The following NDUFA5 variants were observed in gnomAD, a reference collection of about 807,000 sequenced individuals.
The protein encoded by NDUFA5 is NADH dehydrogenase [ubiquinone] 1 alpha subcomplex subunit 5.
In NDUFA5, 11 loss-of-function variants were observed where a neutral mutation model predicts 19.8. The ratio of observed to expected loss-of-function variants is 0.56; its 90% CI spans 0.35 to 0.92. The LOEUF is 0.92. NDUFA5 is among the 40% of genes least tolerant of loss of function. The pLI, the probability that NDUFA5 is intolerant of heterozygous loss-of-function variation, is 0.01. For missense variants in NDUFA5, 109 were observed against 134.2 expected, an observed-to-expected ratio of 0.81 and a Z score of 0.93; for synonymous variants, 47 against 46.8, an observed-to-expected ratio of 1.00 and a Z score of -0.01.
the NDUFA5 span, among the ~76,000 whole-genome samples, chr7:123,594,452 G>A: frequency 3.3e-5 from 5 of 152,094 alleles, no homozygotes; most frequent in South Asian, 4.1e-4. Context: ...GGTGACCTAC[G>A]TATGGGGTTT....
rs1416974205 is a variant in NDUFA5, at chr7:123,542,212, A to G, written c.258T>C (p.His86=). The G allele has an allele frequency of 6.2e-7, 1 of 1,609,556 alleles. No individual in the cohort carries two copies. The highest frequency in any genetic ancestry group is 8.5e-7 in the Non-Finnish European group (1 of 1,178,132). Residue 86 remains histidine (H), a synonymous_variant, in exon 5 of 5, where the codon CAT becomes CAC. Coordinates refer to ENST00000355749, the MANE Select transcript of NDUFA5 (RefSeq NM_005000.5). ...QLEEVILQAE[H]ELNLARKMRE... is the part of the protein sequence containing the mutation. The stretch of plus-strand genomic sequence containing the variant: ...TCATTTTTCTTGCCAGATTTAGTTC[A>G]TGTTCAGCCTGTTAATACAAATTTT...
intron 2 of NDUFA5, chr7:123,554,825 G>C (rs1333419221): frequency 6.6e-6 from 1 of 152,066 alleles, no homozygotes; most frequent in African/African-American, 2.4e-5. Context: ...CTGGGACTAG[G>C]TGCACACCAC....
chr7:123,586,134 A>C, the NDUFA5 span, among the ~76,000 whole-genome samples: 1 of 151,766 alleles, frequency 6.6e-6, no homozygotes, highest in African/African-American at 2.4e-5. Context: ...TTTATTTTAA[A>C]TTTTTTGAGG....
At chr7:123,564,922 T>C in the NDUFA5 span, among the ~76,000 whole-genome samples, 4,146 of 105,666 alleles carry the variant, frequency 0.039, 171 homozygotes, top group African/African-American at 0.13. Context: ...CACACACACA[T>C]ATATATACAC....
the NDUFA5 span, among the ~76,000 whole-genome samples, chr7:123,591,835 C>T: frequency 6.6e-6 from 1 of 152,142 alleles, no homozygotes; most frequent in East Asian, 1.9e-4. Flanking sequence ...GGGAAGATTA[C>T]CTCTTTTTCT....
rs767412888 is a variant in NDUFA5, at chr7:123,545,711, A to G, written c.184-35T>C. ...CAGGGAGAAAAAAAATTAAAGAAGC[A>G]TACTAACTGAATGTTTCAATATCCT... On this transcript the variant is annotated intron_variant, in intron 3 of 4. Transcript: ENST00000355749. The G allele has an allele frequency of 4.2e-6, 6 of 1,419,658 alleles. No individual in the cohort carries two copies. In the South Asian group the frequency reaches 7.1e-5, roughly 17 times the overall value. 87.9% of individuals were successfully genotyped at this position (1,419,658 alleles called of 1,614,324 possible). A position where few individuals can be genotyped will look rare whatever the true frequency, so the allele number is the denominator to read the frequency against.
intron 4 of NDUFA5, among the ~76,000 whole-genome samples, chr7:123,544,764 T>TAA (rs61556029): frequency 0.18 from 11,245 of 61,208 alleles, 1,023 homozygotes; most frequent in Non-Finnish European, 0.24. Flanking sequence ...ATGCAAATCT[T>TAA]AAAAAAAAAA....
chr7:123,549,624 A>T (rs1477740656), intron 3 of NDUFA5, among the ~76,000 whole-genome samples: 3 of 152,150 alleles, frequency 2.0e-5, no homozygotes, highest in Non-Finnish European at 4.4e-5. Flanking sequence ...AAAAAATTTT[A>T]AAAATTAGCT....
the NDUFA5 span, among the ~76,000 whole-genome samples, chr7:123,568,641 G>C: frequency 6.6e-6 from 1 of 152,146 alleles, no homozygotes; most frequent in African/African-American, 2.4e-5. Flanking sequence ...GGGAAATGTT[G>C]CTCCTCATTT....
the NDUFA5 span, among the ~76,000 whole-genome samples, chr7:123,589,324 CATTATT>C: frequency 1.0e-5 from 1 of 96,508 alleles, no homozygotes; most frequent in Non-Finnish European, 2.1e-5. Context: ...TTATTATTAT[CATTATT>C]ATTATTATAC....
chr7:123,539,454 A>AT lies in NDUFA5; in HGVS notation c.*2664dup, dbSNP rs1562888716. ...TTCTTTCTTAGCAAAGCTCAAATTG[A>AT]TTAGCTTCTCTTTCTTTTGAAGTAT... On this transcript the variant is annotated 3_prime_UTR_variant, in exon 5 of 5. Coordinates refer to ENST00000355749, the MANE Select transcript of NDUFA5 (RefSeq NM_005000.5). 6.6e-6 allele frequency: 1 copy of AT among 152,182 alleles called. No homozygotes were observed. The highest frequency in any genetic ancestry group is 1.5e-5 in the Non-Finnish European group (1 of 68,020). 9.4% of individuals were successfully genotyped at this position (152,182 alleles called of 1,614,324 possible). A position where few individuals can be genotyped will look rare whatever the true frequency, so the allele number is the denominator to read the frequency against.
chr7:123,544,755 T>C (rs1798066813), intron 4 of NDUFA5, among the ~76,000 whole-genome samples: 1 of 60,228 alleles, frequency 1.7e-5, no homozygotes, highest in Non-Finnish European at 3.4e-5. Flanking sequence ...AGAAAAAAGA[T>C]GCAAATCTTA....
chr7:123,558,040 G>C (rs1239663307), upstream of NDUFA5: 9 of 635,396 alleles, frequency 1.4e-5, no homozygotes, highest in Non-Finnish European at 2.1e-5. Context: ...TTTCCCAGCT[G>C]TCTGTTCCTG....
At chr7:123,565,279 G>GAAAAAA in the NDUFA5 span, among the ~76,000 whole-genome samples, 1 of 152,074 alleles carries the variant, frequency 6.6e-6, no homozygotes, top group Non-Finnish European at 1.5e-5. Flanking sequence ...ATTGGTGAGG[G>GAAAAAA]TAATCTTCTT....
chr7:123,599,736 A>G, the NDUFA5 span, among the ~76,000 whole-genome samples: 2 of 152,204 alleles, frequency 1.3e-5, no homozygotes, highest in African/African-American at 2.4e-5. Flanking sequence ...TATAATTATC[A>G]TTTTGAAACA....
chr7:123,561,732 G>A (rs1226470493), upstream of NDUFA5, among the ~76,000 whole-genome samples: 1 of 152,062 alleles, frequency 6.6e-6, no homozygotes, highest in Non-Finnish European at 1.5e-5. Context: ...CGAGTAGCTG[G>A]AATTACAGGC....
the NDUFA5 span, among the ~76,000 whole-genome samples, chr7:123,590,090 ATGTGT>A: frequency 4.6e-5 from 7 of 151,918 alleles, no homozygotes; most frequent in East Asian, 1.4e-3. Flanking sequence ...GCATTTCTTC[ATGTGT>A]TTTTTGGCTG....
rs1245085348 is a variant in NDUFA5, at chr7:123,557,802, G to A, written c.-7C>T. On this transcript the variant is annotated 5_prime_UTR_variant, in exon 1 of 5. Coordinates refer to ENST00000355749, the MANE Select transcript of NDUFA5 (RefSeq NM_005000.5). ...TCTTCAGCACACCCGCCATGACAGC[G>A]CCAACGACTCGGTGACGCACAACCC... The A allele has an allele frequency of 1.6e-5, 26 of 1,613,692 alleles. No individual in the cohort carries two copies. Among genetic ancestry groups the A allele is most frequent in the Admixed American group, 3.3e-5 (2 of 59,988 alleles).
chr7:123,560,773 C>T (rs768152798), upstream of NDUFA5, among the ~76,000 whole-genome samples: 3 of 152,150 alleles, frequency 2.0e-5, no homozygotes, highest in African/African-American at 7.2e-5. Flanking sequence ...CCATCATGAC[C>T]TCATCTAAAC....
Sources: allele counts gnomAD v4.1 joint callset (sites outside exome capture counted in the v4.1 genomes callset), GRCh38; gene constraint gnomAD v4.1.1; transcripts MANE v1.5; gene names NCBI Gene and HGNC (gene_info 2026-07-23, HGNC 2026-07-21).